The following RPH3AL variants were observed in gnomAD, a reference collection of about 807,000 sequenced individuals.
The protein encoded by RPH3AL is rab effector Noc2.
Under a neutral mutation model 43.1 loss-of-function variants are expected in RPH3AL, and 38 were observed. The ratio of observed to expected loss-of-function variants is 0.88; its 90% CI spans 0.68 to 1.15. The LOEUF is 1.15. Among genes scored for constraint, RPH3AL ranks in the 50% most tolerant of loss-of-function variants. RPH3AL has a pLI of 0.00. For missense variants in RPH3AL, 462 were observed against 423.2 expected, an observed-to-expected ratio of 1.09 and a Z score of -0.81; for synonymous variants, 189 against 176.3, an observed-to-expected ratio of 1.07 and a Z score of -0.57.
intron 7 of RPH3AL, among the ~76,000 whole-genome samples, chr17:232,507 G>T (rs1407019773): frequency 6.6e-6 from 1 of 152,202 alleles, no homozygotes; most frequent in Non-Finnish European, 1.5e-5. Context: ...GCAGCTGCCT[G>T]AGAAGACCAA....
At chr17:251,899 C>T (rs532318102) in intron 6 of RPH3AL, among the ~76,000 whole-genome samples, 91 of 152,280 alleles carry the variant, frequency 6.0e-4, no homozygotes, top group African/African-American at 1.9e-3. Context: ...CTGTGAACGG[C>T]GGGGCCCGTG....
intron 7 of RPH3AL, among the ~76,000 whole-genome samples, chr17:236,845 G>A (rs562099928): frequency 1.4e-3 from 213 of 152,386 alleles, no homozygotes; most frequent in African/African-American, 5.0e-3. Context: ...GACGCTGCAC[G>A]GCTTCCGCCA....
Position 245,078 on chromosome 17 carries a change from C to A in RPH3AL, c.613+2033G>T, listed in dbSNP as rs547329689. On this transcript the variant is annotated intron_variant, in intron 7 of 9. Transcript: ENST00000331302. The surrounding 1 kb of genome is among the most constrained non-coding windows in gnomAD (Gnocchi z 5.9). Reference sequence around the variant, plus strand: ...ATGTGGATGTGTGTGCATAAATGTGCATGCGCAAGTGTGTGTAGACGTGTG... The same window carrying A: ...ATGTGGATGTGTGTGCATAAATGTGAATGCGCAAGTGTGTGTAGACGTGTG... Among the ~76,000 whole-genome samples the A allele has an allele frequency of 2.9e-3, 422 of 147,320 alleles. 3 individuals carry two copies. Among genetic ancestry groups the A allele is most frequent in the African/African-American group, 0.01 (399 of 39,604 alleles).
At chr17:252,548 C>A (rs1555542959) in intron 6 of RPH3AL, among the ~76,000 whole-genome samples, 1 of 152,158 alleles carries the variant, frequency 6.6e-6, no homozygotes, top group Non-Finnish European at 1.5e-5. Context: ...CTCATAACTT[C>A]TCCATCATCG....
At chr17:231,973 C>T (rs2041240605) in intron 7 of RPH3AL, among the ~76,000 whole-genome samples, 1 of 152,250 alleles carries the variant, frequency 6.6e-6, no homozygotes, top group Admixed American at 6.5e-5. Context: ...AGGAAAGCAA[C>T]AGCGGCTCAT....
chr17:236,404 G>A (rs2041395422), intron 7 of RPH3AL, among the ~76,000 whole-genome samples: 1 of 152,368 alleles, frequency 6.6e-6, no homozygotes, highest in South Asian at 2.1e-4. Context: ...TCTGGGAGAA[G>A]TGGCCTTAGC....
chr17:283,074 C>A lies in RPH3AL; in HGVS notation c.352-1220G>T, dbSNP rs558861011. 1.3e-5 allele frequency among the ~76,000 whole-genome samples: 2 copies of A among 152,154 alleles called. No individual in the cohort carries two copies. Among genetic ancestry groups the A allele is most frequent in the Non-Finnish European group, 2.9e-5 (2 of 68,030 alleles). On this transcript the variant is annotated intron_variant, in intron 5 of 9. Coordinates refer to ENST00000331302, the MANE Select transcript of RPH3AL (RefSeq NM_006987.4). The surrounding 1 kb of genome is among the most constrained non-coding windows in gnomAD (Gnocchi z 4.2). ...CCCAGGCAGAGTCTGATTCAGCGAT[C>A]GCTGGCGACTCCTCAGGACTGTTGC...
In RPH3AL at chr17:322,173, T is replaced by C. The variant is rs1461844133; in HGVS notation, c.78-758A>G. On this transcript the variant is annotated intron_variant, in intron 3 of 9. Coordinates refer to ENST00000331302, the MANE Select transcript of RPH3AL (RefSeq NM_006987.4). The surrounding 1 kb of genome is among the most constrained non-coding windows in gnomAD (Gnocchi z 4.0). ...GACTGGGTCCGGAGGTTGAGCTGTC[T>C]CTGCTCCACTGGGCTGCGGGACTGA... The C allele has an allele frequency of 2.0e-5, 3 of 152,274 alleles. No homozygotes were observed. Among genetic ancestry groups the C allele is most frequent in the African/African-American group, 7.2e-5 (3 of 41,426 alleles). 9.4% of individuals were successfully genotyped at this position (152,274 alleles called of 1,614,324 possible). A position where few individuals can be genotyped will look rare whatever the true frequency, so the allele number is the denominator to read the frequency against.
At chr17:281,333 C>T (rs1044466624) in intron 6 of RPH3AL, among the ~76,000 whole-genome samples, 1 of 152,088 alleles carries the variant, frequency 6.6e-6, no homozygotes, top group African/African-American at 2.4e-5. Flanking sequence ...AGAATAGCAC[C>T]ACTGGGGTTG....
At chr17:271,333 G>A (rs1335902856) in intron 6 of RPH3AL, among the ~76,000 whole-genome samples, 2 of 152,220 alleles carry the variant, frequency 1.3e-5, no homozygotes, top group East Asian at 1.9e-4. Flanking sequence ...GTAGCCTGAT[G>A]GGGATGGCAA....
At chr17:238,499 C>T (rs377412894) in intron 7 of RPH3AL, among the ~76,000 whole-genome samples, 7 of 152,176 alleles carry the variant, frequency 4.6e-5, no homozygotes, top group Non-Finnish European at 7.3e-5. Context: ...CGCTTCCGCG[C>T]GTAGTGACTC....
intron 5 of RPH3AL, among the ~76,000 whole-genome samples, chr17:314,620 C>T (rs1414613110): frequency 5.0e-5 from 1 of 20,188 alleles, no homozygotes; most frequent in African/African-American, 1.6e-4. Context: ...AGTCCCTGTG[C>T]CCCACCTCCA....
At chr17:314,683 T>TGACCTGTAGTCCCTATGCC (rs1567507859) in intron 5 of RPH3AL, among the ~76,000 whole-genome samples, 3 of 32,190 alleles carry the variant, frequency 9.3e-5, no homozygotes, top group Admixed American at 3.4e-4. Context: ...TCTCTGTGAC[T>TGACCTGTAGTCCCTATGCC]CCACCTCCAT....
intron 7 of RPH3AL, among the ~76,000 whole-genome samples, chr17:242,283 C>CCTTCCTCTATTGAT (rs2041562880): frequency 9.1e-5 from 11 of 121,270 alleles, no homozygotes; most frequent in African/African-American, 3.4e-4. Context: ...CCTCTATTGA[C>CCTTCCTCTATTGAT]TACCTTCCTC....
intron 5 of RPH3AL, among the ~76,000 whole-genome samples, chr17:317,448 G>T (rs1246472044): frequency 8.3e-6 from 1 of 120,914 alleles, no homozygotes; most frequent in Non-Finnish European, 1.8e-5. Flanking sequence ...TAGTCCATGT[G>T]CCCCCACCTC....
At chr17:279,479 T>C (rs907891951) in intron 6 of RPH3AL, among the ~76,000 whole-genome samples, 2 of 152,182 alleles carry the variant, frequency 1.3e-5, no homozygotes, top group African/African-American at 2.4e-5. Flanking sequence ...AGAAAATTCA[T>C]CCTAAGCTAT....
At chr17:239,211 A>G (rs2041470781) in intron 7 of RPH3AL, among the ~76,000 whole-genome samples, 2 of 152,218 alleles carry the variant, frequency 1.3e-5, no homozygotes, top group South Asian at 4.1e-4. Context: ...CCTGTCCTGC[A>G]GGTGCAGTGC....
chr17:316,429 T>C (rs62054979), intron 5 of RPH3AL, among the ~76,000 whole-genome samples: 9,243 of 126,312 alleles, frequency 0.073, 2 homozygotes, highest in East Asian at 0.25. Context: ...CCCACCTCCA[T>C]TGACCTGTAG....
At chr17:229,877 A>G (rs2041190194) in intron 7 of RPH3AL, among the ~76,000 whole-genome samples, 1 of 152,114 alleles carries the variant, frequency 6.6e-6, no homozygotes, top group Non-Finnish European at 1.5e-5. Flanking sequence ...CCGCTTAGGG[A>G]GGGGTCCACT....
Sources: gnomAD v4.1 joint callset for allele counts (sites outside exome capture counted in the v4.1 genomes callset) on GRCh38, gnomAD v4.1.1 for gene constraint, Gnocchi (gnomAD v3.1) non-coding constraint, MANE v1.5 for transcripts, NCBI Gene and HGNC (gene_info 2026-07-23, HGNC 2026-07-21) for gene names.